TRAPPC5: variants seen among roughly 807,000 people sequenced by gnomAD.
TRAPPC5 encodes the protein trafficking protein particle complex subunit 5.
A neutral mutation model predicts 9.8 loss-of-function variants in TRAPPC5; 5 were observed. That is an observed-to-expected ratio of 0.51 (90% CI 0.27 to 1.07). TRAPPC5 has a LOEUF of 1.07. TRAPPC5 is among the 50% of genes least tolerant of loss of function. The pLI is 0.12. For synonymous variants in TRAPPC5, 146 were observed against 140.7 expected (o/e 1.04, Z -0.26); for missense variants, 243 against 291.5 (o/e 0.83, Z 1.21).
In TRAPPC5 at chr19:7,682,921, C is replaced by A; in HGVS notation, c.*101C>A. On this transcript the variant is annotated 3_prime_UTR_variant, in exon 2 of 2. Coordinates refer to ENST00000596148, the MANE Select transcript of TRAPPC5 (RefSeq NM_001042462.2). The surrounding 1 kb of genome is among the most constrained non-coding windows in gnomAD (Gnocchi z 8.6). ...CTCAGTACCTTGAGCCACAGCCCTG[C>A]CCCAGGCTGGGGAGGGAGGCCAGGT... The A allele has an allele frequency of 7.4e-7, 1 of 1,343,662 alleles. No homozygotes were observed. Among genetic ancestry groups the A allele is most frequent in the Non-Finnish European group, 1.0e-6 (1 of 994,360 alleles). 83.2% of individuals were successfully genotyped at this position (1,343,662 alleles called of 1,614,324 possible).
chr19:7,682,686 G>T lies in TRAPPC5; in HGVS notation c.433G>T (p.Gly145Cys). Residue 145 changes from glycine (G) to cysteine (C), a missense_variant, in exon 2 of 2, where the codon GGC becomes TGC. Gly to Cys is a radical substitution (Grantham distance 159, BLOSUM62 -3). This residue lies in a region of TRAPPC5 where 154 missense variants were observed against 215.8 expected (regional missense o/e 0.71). Coordinates refer to ENST00000596148, the MANE Select transcript of TRAPPC5 (RefSeq NM_001042462.2). This position sits in a 1 kb window ranked among gnomAD's most constrained non-coding sequence, Gnocchi z 8.6. ...GCTCAACTGCGCCAGCTTCACGGCG[G>T]GCATCGTGGAGGCGGTGCTCACACA... ...STLNCASFTA[G>C]IVEAVLTHSG... 6.2e-7 allele frequency: 1 copy of T among 1,613,656 alleles called. No homozygotes were observed. Among genetic ancestry groups the T allele is most frequent in the Non-Finnish European group, 8.5e-7 (1 of 1,179,888 alleles).
At position 7,681,399 on chromosome 19, in the gene TRAPPC5, C is replaced by T. The variant is rs1206297241; in HGVS notation, c.-13+521C>T. 6.6e-6 allele frequency among the ~76,000 whole-genome samples: 1 copy of T among 152,190 alleles called. No homozygotes were observed. Among genetic ancestry groups the T allele is most frequent in the Non-Finnish European group, 1.5e-5 (1 of 68,030 alleles). On this transcript the variant is annotated intron_variant, in intron 1 of 1. Transcript: ENST00000596148. The surrounding 1 kb of genome is among the most constrained non-coding windows in gnomAD (Gnocchi z 8.7). ...GCCCCCTACCCCATCTCCCTCTCCC[C>T]GCACCGACAGCTGATGGGAGGACCA...
Position 7,682,222 on chromosome 19 carries a change from A to C in TRAPPC5, c.-12-20A>C, listed in dbSNP as rs2032648105. 49 of 1,380,988 alleles carry C rather than the reference A, an allele frequency of 3.5e-5. No individual in the cohort carries two copies. The highest frequency in any genetic ancestry group is 4.5e-5 in the Non-Finnish European group (48 of 1,075,142). 85.5% of individuals were successfully genotyped at this position (1,380,988 alleles called of 1,614,324 possible). On this transcript the variant is annotated intron_variant, in intron 1 of 1. Coordinates refer to ENST00000596148, the MANE Select transcript of TRAPPC5 (RefSeq NM_001042462.2). This position sits in a 1 kb window ranked among gnomAD's most constrained non-coding sequence, Gnocchi z 8.6. The stretch of plus-strand genomic sequence containing the variant: ...CCTTCCCATTGCCCCTGACACCTGC[A>C]CTTCCTGGTCTCCCCGCAGGGTGGC...
In TRAPPC5 at chr19:7,685,816, G is replaced by C. The variant is rs1293801322; in HGVS notation, c.*2996G>C. The stretch of plus-strand genomic sequence containing the variant: ...TAGCCTGAATCTGGAATGAGGGGGA[G>C]GCGTCTAGGGGGCCAGCAGATGCAC... On this transcript the variant is annotated 3_prime_UTR_variant, in exon 2 of 2. Transcript: ENST00000596148. 6.6e-6 allele frequency: 1 copy of C among 152,562 alleles called. No individual in the cohort carries two copies. Among genetic ancestry groups the C allele is most frequent in the Non-Finnish European group, 1.5e-5 (1 of 68,316 alleles). The allele number at this position is 152,562 out of a possible 1,614,324, so 9.5% of individuals were successfully genotyped here. A position where few individuals can be genotyped will look rare whatever the true frequency, so the allele number is the denominator to read the frequency against.
chr19:7,682,025 G>T lies in TRAPPC5; in HGVS notation c.-12-217G>T, dbSNP rs567735533. 1.3e-5 allele frequency among the ~76,000 whole-genome samples: 2 copies of T among 152,282 alleles called. No homozygotes were observed. The highest frequency in any genetic ancestry group is 3.9e-4 in the East Asian group (2 of 5,186). ...CTCCCGCTAGCCCGCTGCCTGCCGAGGGTATAAGACTCCCCCCTCCCTTGA... is the reference window on the plus strand; with the variant it reads ...CTCCCGCTAGCCCGCTGCCTGCCGATGGTATAAGACTCCCCCCTCCCTTGA... On this transcript the variant is annotated intron_variant, in intron 1 of 1. Coordinates refer to ENST00000596148, the MANE Select transcript of TRAPPC5 (RefSeq NM_001042462.2). The surrounding 1 kb of genome is among the most constrained non-coding windows in gnomAD (Gnocchi z 8.6).
rs987651101 is a variant in TRAPPC5 at position 7,683,096 on chromosome 19, C to T, written c.*276C>T. The T allele has an allele frequency of 6.0e-6, 3 of 495,984 alleles. 1 individual carries two copies. The highest frequency in any genetic ancestry group is 1.9e-5 in the African/African-American group (1 of 51,946). The allele number at this position is 495,984 out of a possible 1,614,324, so 30.7% of individuals were successfully genotyped here. On this transcript the variant is annotated 3_prime_UTR_variant, in exon 2 of 2. Coordinates refer to ENST00000596148, the MANE Select transcript of TRAPPC5 (RefSeq NM_001042462.2). Reference sequence around the variant, plus strand: ...TGGAATCACGGTTGGAGGCTGTCTGCAGGCTGGAGGGGGCATGGGGTCCTG... The same window carrying T: ...TGGAATCACGGTTGGAGGCTGTCTGTAGGCTGGAGGGGGCATGGGGTCCTG...
Position 7,683,476 on chromosome 19 carries a change from T to A in TRAPPC5, c.*656T>A, listed in dbSNP as rs1043582561. 1.3e-5 allele frequency: 2 copies of A among 152,416 alleles called. No homozygotes were observed. The highest frequency in any genetic ancestry group is 4.8e-5 in the African/African-American group (2 of 41,394). The allele number at this position is 152,416 out of a possible 1,614,324, so 9.4% of individuals were successfully genotyped here. On this transcript the variant is annotated 3_prime_UTR_variant, in exon 2 of 2. Transcript: ENST00000596148. ...CTCAGGTGATCCGCCCACTTCAGCCTCCCAAAGTGCTGGGATTACAGGCGT... is the reference window on the plus strand; with the variant it reads ...CTCAGGTGATCCGCCCACTTCAGCCACCCAAAGTGCTGGGATTACAGGCGT...
rs2032715226 is a variant in TRAPPC5 at position 7,686,213 on chromosome 19, T to G, written c.*3393T>G. 1 of 152,074 alleles carries G rather than the reference T, an allele frequency of 6.6e-6. No homozygotes were observed. The highest frequency in any genetic ancestry group is 6.6e-5 in the Admixed American group (1 of 15,254). The allele number at this position is 152,074 out of a possible 1,614,324, so 9.4% of individuals were successfully genotyped here. ...GCCACCGAGGGTGAGTTAGGGGGCTTGAGGAGAAGGGAAAACGTTTGAACA... is the reference window on the plus strand; with the variant it reads ...GCCACCGAGGGTGAGTTAGGGGGCTGGAGGAGAAGGGAAAACGTTTGAACA... On this transcript the variant is annotated 3_prime_UTR_variant, in exon 2 of 2. Transcript: ENST00000596148.
Position 7,684,528 on chromosome 19 carries a change from C to T in TRAPPC5, c.*1708C>T, listed in dbSNP as rs2032693879. 1 of 152,224 alleles carries T rather than the reference C, an allele frequency of 6.6e-6. No homozygotes were observed. Among genetic ancestry groups the T allele is most frequent in the South Asian group, 2.1e-4 (1 of 4,832 alleles). 9.4% of individuals were successfully genotyped at this position (152,224 alleles called of 1,614,324 possible). Reference sequence around the variant, plus strand: ...CACCATTGCACTCCAGCCTGGGCAACAAGAGCGAAACTCCATCTAAAAAAC... The same window carrying T: ...CACCATTGCACTCCAGCCTGGGCAATAAGAGCGAAACTCCATCTAAAAAAC... On this transcript the variant is annotated 3_prime_UTR_variant, in exon 2 of 2. Coordinates refer to ENST00000596148, the MANE Select transcript of TRAPPC5 (RefSeq NM_001042462.2).
At position 7,682,808 on chromosome 19, in the gene TRAPPC5, G is replaced by T. The variant is rs1435674837; in HGVS notation, c.555G>T (p.Leu185=). Residue 185 remains leucine (L), a synonymous_variant, in exon 2 of 2, where the codon CTG becomes CTT. Coordinates refer to ENST00000596148, the MANE Select transcript of TRAPPC5 (RefSeq NM_001042462.2). The surrounding 1 kb of genome is among the most constrained non-coding windows in gnomAD (Gnocchi z 8.6). Reference sequence around the variant, plus strand: ...CAGTCATCGCTCGAGACCGGGCCCTGGAGGGCCGCTGACCCTGCCGGAGAT... The same window carrying T: ...CAGTCATCGCTCGAGACCGGGCCCTTGAGGGCCGCTGACCCTGCCGGAGAT... The part of the protein sequence containing the change: ...EEAVIARDRA[L]EGR The T allele has an allele frequency of 1.3e-6, 2 of 1,597,162 alleles. No individual in the cohort carries two copies. The highest frequency in any genetic ancestry group is 1.7e-5 in the Admixed American group (1 of 58,498).
chr19:7,682,487 T>TGAGACCAAGGTGCTAGGC lies in TRAPPC5; in HGVS notation c.236_253dup (p.Glu79_Gly84dup), dbSNP rs1285505611. Reference sequence around the variant, plus strand: ...TGGCGCGCGAAAAGGGTGCCCGGCGTGAGACCAAGGTGCTAGGCGCGTTGC... The same window carrying TGAGACCAAGGTGCTAGGC: ...TGGCGCGCGAAAAGGGTGCCCGGCGTGAGACCAAGGTGCTAGGCGAGACCAAGGTGCTAGGCGCGTTGC... On this transcript the variant is annotated inframe_insertion, in exon 2 of 2. Transcript: ENST00000596148. This position sits in a 1 kb window ranked among gnomAD's most constrained non-coding sequence, Gnocchi z 8.6. The TGAGACCAAGGTGCTAGGC allele has an allele frequency of 1.2e-6, 2 of 1,611,934 alleles. No homozygotes were observed. The highest frequency in any genetic ancestry group is 3.3e-5 in the Admixed American group (2 of 59,944).
Position 7,681,574 on chromosome 19 carries a change from C to T in TRAPPC5, c.-12-668C>T, listed in dbSNP as rs552927569. 6.6e-6 allele frequency among the ~76,000 whole-genome samples: 1 copy of T among 152,304 alleles called. No homozygotes were observed. Among genetic ancestry groups the T allele is most frequent in the East Asian group, 1.9e-4 (1 of 5,166 alleles). The stretch of plus-strand genomic sequence containing the variant: ...CTGCGTGACACATCGGAGCTGCCTG[C>T]CTGAGGGCTTGGGGTTGGGGGTTAC... On this transcript the variant is annotated intron_variant, in intron 1 of 1. Coordinates refer to ENST00000596148, the MANE Select transcript of TRAPPC5 (RefSeq NM_001042462.2). This position sits in a 1 kb window ranked among gnomAD's most constrained non-coding sequence, Gnocchi z 8.7.
rs767066643 is a variant in TRAPPC5, at chr19:7,682,668, TG to T, written c.416del (p.Cys139SerfsTer33). On this transcript the variant is annotated frameshift_variant, in exon 2 of 2. Transcript: ENST00000596148. LOFTEE classifies it high-confidence loss of function. This position sits in a 1 kb window ranked among gnomAD's most constrained non-coding sequence, Gnocchi z 8.6. ...SVPKENSTLN[C>X]ASFTAGIVEA... Reference sequence around the variant, plus strand: ...GCCCAAGGAGAACAGCACGCTCAACTGCGCCAGCTTCACGGCGGGCATCGTG... The same window carrying T: ...GCCCAAGGAGAACAGCACGCTCAACTCGCCAGCTTCACGGCGGGCATCGTG... 44 of 1,613,806 alleles carry T rather than the reference TG, an allele frequency of 2.7e-5. No homozygotes were observed. Among genetic ancestry groups the T allele is most frequent in the Non-Finnish European group, 3.2e-5 (38 of 1,179,970 alleles).
chr19:7,682,549 G>T lies in TRAPPC5; in HGVS notation c.296G>T (p.Gly99Val), dbSNP rs201128663. 5.6e-5 allele frequency: 91 copies of T among 1,612,780 alleles called. No homozygotes were observed. In the African/African-American group the frequency reaches 1.1e-3, roughly 19 times the overall value. Residue 99 changes from glycine (G) to valine (V), a missense_variant, in exon 2 of 2, where the codon GGC (glycine) becomes GTC (valine). This residue lies in a region of TRAPPC5 where 154 missense variants were observed against 215.8 expected (regional missense o/e 0.71). Coordinates refer to ENST00000596148, the MANE Select transcript of TRAPPC5 (RefSeq NM_001042462.2). The surrounding 1 kb of genome is among the most constrained non-coding windows in gnomAD (Gnocchi z 8.6). ...GGCGCCGTGTGGAAGGCGCTCTTCG[G>T]CAAGGAGGCGGACAAGCTGGAGCAG... ...VKGAVWKALF[G>V]KEADKLEQAN...
rs960854701 is a variant in TRAPPC5, at chr19:7,683,016, T to G, written c.*196T>G. On this transcript the variant is annotated 3_prime_UTR_variant, in exon 2 of 2. Coordinates refer to ENST00000596148, the MANE Select transcript of TRAPPC5 (RefSeq NM_001042462.2). ...TTGGGGGGTTGAGTGAGACCAGGAG[T>G]GGTGGGGAGAAATAAACCCGGCAAA... The G allele has an allele frequency of 1.7e-6, 1 of 593,168 alleles. No individual in the cohort carries two copies. The highest frequency in any genetic ancestry group is 2.9e-6 in the Non-Finnish European group (1 of 342,312). 36.7% of individuals were successfully genotyped at this position (593,168 alleles called of 1,614,324 possible).
Position 7,682,705 on chromosome 19 carries a change from T to C in TRAPPC5, c.452T>C (p.Leu151Pro). 1.2e-6 allele frequency: 2 copies of C among 1,613,068 alleles called. No individual in the cohort carries two copies. Among genetic ancestry groups the C allele is most frequent in the Non-Finnish European group, 8.5e-7 (1 of 1,179,668 alleles). ...SFTAGIVEAV[L>P]THSGFPAKVT... ...ACGGCGGGCATCGTGGAGGCGGTGC[T>C]CACACACAGCGGCTTCCCTGCCAAG... The change falls in exon 2 of 2, where the codon CTC becomes CCC. Residue 151 changes from leucine (L) to proline (P), a missense_variant. Transcript: ENST00000596148. The surrounding 1 kb of genome is among the most constrained non-coding windows in gnomAD (Gnocchi z 8.6).
chr19:7,682,238 G>T lies in TRAPPC5; in HGVS notation c.-12-4G>T. ...GACACCTGCACTTCCTGGTCTCCCCGCAGGGTGGCGGCGGCATGGAGGCGC... is the reference window on the plus strand; with the variant it reads ...GACACCTGCACTTCCTGGTCTCCCCTCAGGGTGGCGGCGGCATGGAGGCGC... On this transcript the variant is annotated splice_region_variant and splice_polypyrimidine_tract_variant and intron_variant, in intron 1 of 1. Transcript: ENST00000596148. This position sits in a 1 kb window ranked among gnomAD's most constrained non-coding sequence, Gnocchi z 8.6. The T allele has an allele frequency of 7.2e-7, 1 of 1,387,424 alleles. No homozygotes were observed. The highest frequency in any genetic ancestry group is 2.9e-5 in the East Asian group (1 of 34,118). 85.9% of individuals were successfully genotyped at this position (1,387,424 alleles called of 1,614,324 possible).
chr19:7,684,826 A>T lies in TRAPPC5; in HGVS notation c.*2006A>T, dbSNP rs2032697919. ...TTTTAAAGTCCAGGATGATACAAACACATTTCCCTTGTTAAAAAAATTTTA... is the reference window on the plus strand; with the variant it reads ...TTTTAAAGTCCAGGATGATACAAACTCATTTCCCTTGTTAAAAAAATTTTA... On this transcript the variant is annotated 3_prime_UTR_variant, in exon 2 of 2. Transcript: ENST00000596148. 6.6e-6 allele frequency: 1 copy of T among 151,470 alleles called. No homozygotes were observed. The highest frequency in any genetic ancestry group is 2.1e-4 in the South Asian group (1 of 4,832). The allele number at this position is 151,470 out of a possible 1,614,324, so 9.4% of individuals were successfully genotyped here.
rs1229322887 is a variant in TRAPPC5, at chr19:7,683,245, G to A, written c.*425G>A. On this transcript the variant is annotated 3_prime_UTR_variant, in exon 2 of 2. Transcript: ENST00000596148. ...ATTATTTTTTTTATTTGTTGAGATA[G>A]AGTCTTGCTCTGTCGCCCAGGCTGG... 1 of 166,352 alleles carries A rather than the reference G, an allele frequency of 6.0e-6. No homozygotes were observed. Among genetic ancestry groups the A allele is most frequent in the Non-Finnish European group, 1.3e-5 (1 of 76,446 alleles). The allele number at this position is 166,352 out of a possible 1,614,324, so 10.3% of individuals were successfully genotyped here. A position where few individuals can be genotyped will look rare whatever the true frequency, so the allele number is the denominator to read the frequency against.
Sources: allele counts gnomAD v4.1 joint callset (sites outside exome capture counted in the v4.1 genomes callset), GRCh38; gene constraint gnomAD v4.1.1; regional missense constraint gnomAD v4.1.1; non-coding constraint Gnocchi (gnomAD v3.1); transcripts MANE v1.5; gene names NCBI Gene and HGNC (gene_info 2026-07-23, HGNC 2026-07-21).